SLC26A7: variants seen among roughly 807,000 people sequenced by gnomAD.
SLC26A7 encodes anion exchange transporter.
Under a neutral mutation model 82.5 loss-of-function variants are expected in SLC26A7, and 59 were observed. That is an observed-to-expected ratio of 0.72 (90% confidence interval 0.58 to 0.89). SLC26A7 has a LOEUF of 0.89. SLC26A7 is among the 40% of genes least tolerant of loss of function. The probability of loss-of-function intolerance (pLI) is 0.00; values close to 1 mark genes in which losing one functional copy is unlikely to be tolerated. For synonymous variants in SLC26A7, 271 were observed against 274.3 expected (o/e 0.99, Z 0.12); for missense variants, 820 against 793.0 (o/e 1.03, Z -0.41).
intron 3 of SLC26A7, among the ~76,000 whole-genome samples, chr8:91,290,311 G>T (rs991170901): frequency 1.3e-5 from 2 of 152,062 alleles, no homozygotes; most frequent in Non-Finnish European, 2.9e-5. Context: ...ATTACCATAA[G>T]TTTGGTGCTT....
chr8:91,243,615 A>G (rs1586315829), intron 2 of SLC26A7, among the ~76,000 whole-genome samples: 1 of 152,286 alleles, frequency 6.6e-6, no homozygotes, highest in East Asian at 1.9e-4. Flanking sequence ...CAACTAAGTA[A>G]TGATCAGCAC....
intron 11 of SLC26A7, among the ~76,000 whole-genome samples, chr8:91,355,956 C>A (rs181031713): frequency 6.6e-6 from 1 of 152,230 alleles, no homozygotes; most frequent in East Asian, 1.9e-4. Flanking sequence ...CAATTCCCAC[C>A]TATGAGTGAG....
intron 4 of SLC26A7, among the ~76,000 whole-genome samples, chr8:91,317,096 G>A (rs898607154): frequency 6.7e-6 from 1 of 149,712 alleles, no homozygotes; most frequent in East Asian, 2.0e-4. Flanking sequence ...GGGGGTGGAG[G>A]TTGCAGTGAG....
chr8:91,308,902 C>T (rs1435656218), intron 4 of SLC26A7, among the ~76,000 whole-genome samples: 2 of 152,070 alleles, frequency 1.3e-5, no homozygotes, highest in African/African-American at 2.4e-5. Context: ...TCCTTCCTTT[C>T]TGGCACTACA....
At position 91,309,150 on chromosome 8, in the gene SLC26A7, TA is replaced by T. The variant is rs551961420; in HGVS notation, c.478-9064del. On this transcript the variant is annotated intron_variant, in intron 4 of 18. Coordinates refer to ENST00000276609, the MANE Select transcript of SLC26A7 (RefSeq NM_052832.4). Reference sequence around the variant, plus strand: ...ATGTTTAATTATACAGCAAATCTTATAAGGCAAATCTGTGCAGAATTCCAGT... The same window carrying T: ...ATGTTTAATTATACAGCAAATCTTATAGGCAAATCTGTGCAGAATTCCAGT... 1.5e-3 allele frequency among the ~76,000 whole-genome samples: 227 copies of T among 152,214 alleles called. 2 individuals carry two copies. Among genetic ancestry groups the T allele is most frequent in the African/African-American group, 5.1e-3 (212 of 41,546 alleles).
rs1814719419 is a variant in SLC26A7, at chr8:91,383,533, T to C, written c.1676-5805T>C. 2.0e-5 allele frequency among the ~76,000 whole-genome samples: 3 copies of C among 152,266 alleles called. No individual in the cohort carries two copies. The South Asian group carries it at 6.2e-4, about 32-fold the overall frequency. ...AAAATCGTTTCAGAAGGAAAAGATT[T>C]GTAGTTGAGCGCATGATAGAATAAT... On this transcript the variant is annotated intron_variant, in intron 15 of 18. Coordinates refer to ENST00000276609, the MANE Select transcript of SLC26A7 (RefSeq NM_052832.4).
chr8:91,350,067 T>A (rs1813671313), intron 9 of SLC26A7, among the ~76,000 whole-genome samples: 1 of 152,190 alleles, frequency 6.6e-6, no homozygotes, highest in South Asian at 2.1e-4. Context: ...GTTCCCCTAC[T>A]GATTTAATTC....
rs1808548388 is a variant in SLC26A7, at chr8:91,395,654, A to G, written c.*557A>G. On this transcript the variant is annotated 3_prime_UTR_variant, in exon 19 of 19. Transcript: ENST00000276609. ...CCAAACAAAACGAATGAAAAACTGG[A>G]AATAATTCGTTTCCATATCTTTCCA... 6.6e-6 allele frequency: 1 copy of G among 152,240 alleles called. No individual in the cohort carries two copies. The highest frequency in any genetic ancestry group is 2.4e-5 in the African/African-American group (1 of 41,450). 9.4% of individuals were successfully genotyped at this position (152,240 alleles called of 1,614,324 possible).
At chr8:91,328,628 C>T (rs1812995895) in intron 5 of SLC26A7, among the ~76,000 whole-genome samples, 1 of 152,046 alleles carries the variant, frequency 6.6e-6, no homozygotes, top group Non-Finnish European at 1.5e-5. Context: ...ATTCATTCAA[C>T]AAAATTTATT....
At chr8:91,370,745 GTTGAA>G (rs1814334974) in intron 15 of SLC26A7, among the ~76,000 whole-genome samples, 1 of 151,946 alleles carries the variant, frequency 6.6e-6, no homozygotes, top group Non-Finnish European at 1.5e-5. Context: ...TGATAAAAGA[GTTGAA>G]TTGAAACAGA....
At chr8:91,333,407 T>C (rs1813149354) in intron 5 of SLC26A7, among the ~76,000 whole-genome samples, 1 of 152,228 alleles carries the variant, frequency 6.6e-6, no homozygotes, top group South Asian at 2.1e-4. Flanking sequence ...CAAATAGTTG[T>C]ATTGATTTCT....
chr8:91,294,147 C>T (rs1811951518), intron 3 of SLC26A7, among the ~76,000 whole-genome samples: 1 of 152,174 alleles, frequency 6.6e-6, no homozygotes, highest in African/African-American at 2.4e-5. Flanking sequence ...CAGAGAAAAA[C>T]ATACAATGAT....
intron 2 of SLC26A7, among the ~76,000 whole-genome samples, chr8:91,221,446 C>A (rs1317774470): frequency 6.6e-6 from 1 of 152,144 alleles, no homozygotes; most frequent in Non-Finnish European, 1.5e-5. Context: ...AAATCTTTGC[C>A]CATGCCTATG....
intron 2 of SLC26A7, among the ~76,000 whole-genome samples, chr8:91,242,882 A>G (rs921320220): frequency 6.6e-6 from 1 of 152,236 alleles, no homozygotes; most frequent in Non-Finnish European, 1.5e-5. Flanking sequence ...AACTATCAGT[A>G]TTGATAATAA....
At chr8:91,268,463 G>C (rs1043745368) in intron 2 of SLC26A7, among the ~76,000 whole-genome samples, 3 of 151,528 alleles carry the variant, frequency 2.0e-5, no homozygotes, top group Non-Finnish European at 4.4e-5. Context: ...CTCCTGCTTG[G>C]TTTTGGTTTC....
At chr8:91,351,397 A>G (rs983035825) in intron 9 of SLC26A7, among the ~76,000 whole-genome samples, 4 of 152,166 alleles carry the variant, frequency 2.6e-5, no homozygotes, top group African/African-American at 7.2e-5. Flanking sequence ...AAAAATCCTA[A>G]GCCACATATT....
At chr8:91,388,080 A>C (rs886455505) in intron 15 of SLC26A7, among the ~76,000 whole-genome samples, 1 of 152,104 alleles carries the variant, frequency 6.6e-6, no homozygotes, top group Non-Finnish European at 1.5e-5. Context: ...GTCATATATA[A>C]ATTTTCAGTG....
chr8:91,308,774 A>T (rs529138507), intron 4 of SLC26A7, among the ~76,000 whole-genome samples: 1 of 152,158 alleles, frequency 6.6e-6, no homozygotes, highest in East Asian at 1.9e-4. Context: ...TTATAATCCA[A>T]TACTACTTTA....
chr8:91,233,615 C>T (rs116870395), intron 2 of SLC26A7, among the ~76,000 whole-genome samples: 2,016 of 151,362 alleles, frequency 0.013, 20 homozygotes, highest in Middle Eastern at 0.048. Context: ...AAAAAGAAAA[C>T]GTAGGAGAGG....
Sources: allele counts gnomAD v4.1 joint callset (sites outside exome capture counted in the v4.1 genomes callset), GRCh38; gene constraint gnomAD v4.1.1; transcripts MANE v1.5; gene names NCBI Gene and HGNC (gene_info 2026-07-23, HGNC 2026-07-21).